Variants in RALYL observed in about 807,000 individuals in gnomAD.
The protein encoded by RALYL is RNA-binding Raly-like protein.
In RALYL, 29 loss-of-function variants were observed where a neutral mutation model predicts 35.1. The ratio of observed to expected loss-of-function variants is 0.83; its 90% CI spans 0.61 to 1.13. The LOEUF is 1.13. Ranked by LOEUF, RALYL falls within the 50% of genes most tolerant of loss-of-function variation. RALYL has a pLI of 0.00. For missense variants in RALYL, 359 were observed against 360.4 expected (o/e 1.00, Z 0.03); for synonymous variants, 120 against 127.6 (o/e 0.94, Z 0.40).
intron 2 of RALYL, among the ~76,000 whole-genome samples, chr8:84,723,548 T>A (rs1174412098): frequency 6.6e-6 from 1 of 151,958 alleles, no homozygotes; most frequent in Non-Finnish European, 1.5e-5. Context: ...GAAGCTAAAC[T>A]TTTGATTTCA....
At chr8:84,425,470 A>C (rs1255144191) in intron 1 of RALYL, among the ~76,000 whole-genome samples, 1 of 152,106 alleles carries the variant, frequency 6.6e-6, no homozygotes, top group Non-Finnish European at 1.5e-5. Flanking sequence ...AGTGAGATGC[A>C]CCCAGTACCT....
At chr8:84,692,476 G>A (rs929224167) in intron 2 of RALYL, among the ~76,000 whole-genome samples, 9 of 151,902 alleles carry the variant, frequency 5.9e-5, no homozygotes, top group Non-Finnish European at 1.3e-4. Flanking sequence ...TCTAATGGAA[G>A]GTGTGTAAGA....
intron 2 of RALYL, among the ~76,000 whole-genome samples, chr8:84,530,804 C>A (rs1454804837): frequency 6.6e-6 from 1 of 152,186 alleles, no homozygotes; most frequent in Admixed American, 6.5e-5. Flanking sequence ...GCCACATCTT[C>A]AATTCTATCT....
At chr8:84,250,238 A>T (rs938536399) in intron 1 of RALYL, among the ~76,000 whole-genome samples, 2 of 152,192 alleles carry the variant, frequency 1.3e-5, no homozygotes, top group Non-Finnish European at 2.9e-5. Flanking sequence ...TGAACTTCAC[A>T]TTACAATGAG....
At chr8:84,746,768 C>T (rs1415330116) in intron 2 of RALYL, among the ~76,000 whole-genome samples, 1 of 151,738 alleles carries the variant, frequency 6.6e-6, no homozygotes, top group Non-Finnish European at 1.5e-5. Flanking sequence ...ATTTCAAATA[C>T]TTAATAATAA....
intron 2 of RALYL, among the ~76,000 whole-genome samples, chr8:84,746,845 ACTGT>A (rs58420822): frequency 0.28 from 42,635 of 151,400 alleles, 6,522 homozygotes; most frequent in African/African-American, 0.39. Context: ...TAAGATGCTT[ACTGT>A]CTAAGTTTTT....
intron 1 of RALYL, among the ~76,000 whole-genome samples, chr8:84,404,455 T>C (rs1435084121): frequency 6.6e-6 from 1 of 152,186 alleles, no homozygotes; most frequent in Non-Finnish European, 1.5e-5. Flanking sequence ...ATTGGTTCTG[T>C]TTATGTGATG....
intron 2 of RALYL, among the ~76,000 whole-genome samples, chr8:84,654,325 A>G (rs1272119646): frequency 2.3e-5 from 3 of 131,910 alleles, no homozygotes; most frequent in Non-Finnish European, 3.3e-5. Flanking sequence ...CATGTACCAC[A>G]TATAGGTATG....
chr8:84,486,600 TA>T (rs1288143131), intron 1 of RALYL, among the ~76,000 whole-genome samples: 1 of 151,930 alleles, frequency 6.6e-6, no homozygotes, highest in Non-Finnish European at 1.5e-5. Context: ...GTTTCTTTCA[TA>T]TCAAATAAGA....
Position 84,416,560 on chromosome 8 carries a change from T to A in RALYL, c.-23-112739T>A, listed in dbSNP as rs538636353. 7.9e-4 allele frequency among the ~76,000 whole-genome samples: 120 copies of A among 151,742 alleles called. 1 individual carries two copies. The Middle Eastern group carries it at 0.02, about 26-fold the overall frequency. On this transcript the variant is annotated intron_variant, in intron 1 of 8. Transcript: ENST00000521268. ...CTGGAAAGTGACATTTTTACAAGTA[T>A]TTGAAACCTTTTTTTTTCATGTGTA...
intron 1 of RALYL, among the ~76,000 whole-genome samples, chr8:84,393,323 A>G (rs73300768): frequency 0.028 from 4,298 of 152,154 alleles, 198 homozygotes; most frequent in African/African-American, 0.098. Context: ...TCAGTTTCTT[A>G]CTGGCTGTTG....
At chr8:84,215,393 T>C (rs1296373523) in intron 1 of RALYL, among the ~76,000 whole-genome samples, 2 of 152,154 alleles carry the variant, frequency 1.3e-5, no homozygotes, top group East Asian at 3.8e-4. Context: ...AAATATTTTA[T>C]ACCTTACCAT....
chr8:84,318,996 A>T (rs1403984696), intron 1 of RALYL, among the ~76,000 whole-genome samples: 4 of 152,148 alleles, frequency 2.6e-5, no homozygotes, highest in African/African-American at 9.7e-5. Flanking sequence ...AGGAATGGAC[A>T]TTAACAGAGT....
At chr8:84,189,664 G>A (rs1213138771) in intron 1 of RALYL, among the ~76,000 whole-genome samples, 2 of 151,002 alleles carry the variant, frequency 1.3e-5, no homozygotes, top group Non-Finnish European at 2.9e-5. Context: ...AGTCTTAACT[G>A]ACGACTCATG....
intron 2 of RALYL, among the ~76,000 whole-genome samples, chr8:84,586,853 T>G (rs558953637): frequency 1.3e-5 from 2 of 152,190 alleles, no homozygotes. Context: ...CAACCATTGC[T>G]AAAGCACCAT....
At chr8:84,369,493 C>T (rs1423740405) in intron 1 of RALYL, among the ~76,000 whole-genome samples, 1 of 151,950 alleles carries the variant, frequency 6.6e-6, no homozygotes. Context: ...TAAGTTGTTT[C>T]CTACTTCTGA....
chr8:84,314,447 A>G (rs973866846), intron 1 of RALYL, among the ~76,000 whole-genome samples: 1 of 152,058 alleles, frequency 6.6e-6, no homozygotes, highest in Non-Finnish European at 1.5e-5. Flanking sequence ...ATATACAAGT[A>G]TATATGTATA....
At chr8:84,741,593 G>T (rs549108390) in intron 2 of RALYL, among the ~76,000 whole-genome samples, 1 of 151,930 alleles carries the variant, frequency 6.6e-6, no homozygotes, top group Non-Finnish European at 1.5e-5. Context: ...CATTAATCCC[G>T]TTTGTAATGA....
chr8:84,235,604 A>C (rs1296336487), intron 1 of RALYL, among the ~76,000 whole-genome samples: 1 of 152,208 alleles, frequency 6.6e-6, no homozygotes, highest in Non-Finnish European at 1.5e-5. Flanking sequence ...GGAATCTTGA[A>C]TATTAACAGT....
Sources: gnomAD v4.1 joint callset for allele counts (sites outside exome capture counted in the v4.1 genomes callset) on GRCh38, gnomAD v4.1.1 for gene constraint, MANE v1.5 for transcripts, NCBI Gene and HGNC (gene_info 2026-07-23, HGNC 2026-07-21) for gene names.